Variants in UGT1A6 observed in about 807,000 individuals in gnomAD.
The protein encoded by UGT1A6 is UDP-glucuronosyltransferase 1A6.
UGT1A6 carries 32 observed loss-of-function variants against 44.4 expected under a neutral mutation model. That is an observed-to-expected ratio of 0.72 (90% CI 0.54 to 0.97). UGT1A6 has a LOEUF of 0.97. Among genes scored for constraint, UGT1A6 ranks in the 50% least tolerant of loss-of-function variants. The pLI, the probability that UGT1A6 is intolerant of heterozygous loss-of-function variation, is 0.00. For synonymous variants in UGT1A6, 238 were observed against 248.5 expected (o/e 0.96, Z 0.40); for missense variants, 685 against 661.9 (o/e 1.03, Z -0.38).
At chr2:233,695,006 T>C (rs184131537) in intron 1 of UGT1A6, among the ~76,000 whole-genome samples, 12 of 152,350 alleles carry the variant, frequency 7.9e-5, no homozygotes, top group African/African-American at 2.2e-4. Context: ...TCTTCATTTC[T>C]AGCTATTTTG....
intron 1 of UGT1A6, chr2:233,743,635 G>C: frequency 1.5e-6 from 2 of 1,367,296 alleles, no homozygotes; most frequent in Non-Finnish European, 2.0e-6. Flanking sequence ...CGGCTGGGTC[G>C]CGGAAGCTGA....
intron 1 of UGT1A6, among the ~76,000 whole-genome samples, chr2:233,725,446 A>G (rs1478370195): frequency 6.6e-6 from 1 of 152,006 alleles, no homozygotes; most frequent in Non-Finnish European, 1.5e-5. Flanking sequence ...AGCCACATAC[A>G]TAATTTAAAC....
At position 233,772,561 on chromosome 2, in the gene UGT1A6, A is replaced by C. The variant is rs1287050195; in HGVS notation, c.*2A>C. On this transcript the variant is annotated 3_prime_UTR_variant, in exon 5 of 5. Transcript: ENST00000305139. ...GCCCACAAATCCAAGACCCATTGAG[A>C]AGTGGGTGGGAAATAAGGTAAAATT... The C allele has an allele frequency of 1.2e-6, 2 of 1,613,586 alleles. No individual in the cohort carries two copies. Among genetic ancestry groups the C allele is most frequent in the Non-Finnish European group, 1.7e-6 (2 of 1,179,766 alleles).
At chr2:233,715,538 G>A (rs1209390952) in intron 1 of UGT1A6, among the ~76,000 whole-genome samples, 6 of 152,096 alleles carry the variant, frequency 3.9e-5, no homozygotes, top group South Asian at 2.1e-4. Flanking sequence ...TTGGGAGACC[G>A]AGGGAGGAGG....
At chr2:233,738,975 T>A (rs1575626869) in intron 1 of UGT1A6, 1 of 152,266 alleles carries the variant, frequency 6.6e-6, no homozygotes, top group South Asian at 2.1e-4. Flanking sequence ...CACTGCTGTG[T>A]GCAGCCTCAG....
At chr2:233,733,599 G>A (rs2078419468) in intron 1 of UGT1A6, among the ~76,000 whole-genome samples, 1 of 152,146 alleles carries the variant, frequency 6.6e-6, no homozygotes, top group Non-Finnish European at 1.5e-5. Context: ...TTTATGTGAT[G>A]GATTACATTT....
chr2:233,746,424 C>G (rs1693388244), intron 1 of UGT1A6, among the ~76,000 whole-genome samples: 1 of 151,702 alleles, frequency 6.6e-6, no homozygotes, highest in African/African-American at 2.4e-5. Flanking sequence ...GACCTATTAA[C>G]TTATGTCTTC....
intron 1 of UGT1A6, among the ~76,000 whole-genome samples, chr2:233,716,383 A>G (rs2076502558): frequency 6.6e-6 from 1 of 152,184 alleles, no homozygotes; most frequent in African/African-American, 2.4e-5. Flanking sequence ...TCTGCCTACC[A>G]CAGACACTAA....
chr2:233,712,151 A>G (rs1476904352), intron 1 of UGT1A6, among the ~76,000 whole-genome samples: 5 of 152,214 alleles, frequency 3.3e-5, no homozygotes, highest in Non-Finnish European at 2.9e-5. Context: ...TCAGAAGAGG[A>G]ATTCAGACTG....
intron 1 of UGT1A6, among the ~76,000 whole-genome samples, chr2:233,722,617 C>G (rs1215514710): frequency 6.6e-6 from 1 of 152,088 alleles, no homozygotes; most frequent in African/African-American, 2.4e-5. Context: ...TTTGATTTTT[C>G]TTAATGAAGC....
At chr2:233,695,903 T>C (rs1451387957) in intron 1 of UGT1A6, among the ~76,000 whole-genome samples, 2 of 151,728 alleles carry the variant, frequency 1.3e-5, no homozygotes, top group African/African-American at 4.8e-5. Context: ...ATGTGTGGGG[T>C]TTTTTTTCTC....
chr2:233,731,908 A>T (rs2078219373), intron 1 of UGT1A6, among the ~76,000 whole-genome samples: 1 of 152,202 alleles, frequency 6.6e-6, no homozygotes, highest in African/African-American at 2.4e-5. Flanking sequence ...CCAATGGTGT[A>T]AAAGTGTTCC....
At chr2:233,760,776 C>G in intron 1 of UGT1A6, 1 of 1,613,940 alleles carries the variant, frequency 6.2e-7, no homozygotes, top group Non-Finnish European at 8.5e-7. Context: ...TGGCCCAGTA[C>G]CTGTCTCTGC....
chr2:233,703,889 T>C (rs2125594145), intron 1 of UGT1A6, among the ~76,000 whole-genome samples: 1 of 152,182 alleles, frequency 6.6e-6, no homozygotes, highest in East Asian at 1.9e-4. Flanking sequence ...ACCATCATTT[T>C]TTTCTTTTCT....
chr2:233,735,701 C>T (rs2078683713), intron 1 of UGT1A6, among the ~76,000 whole-genome samples: 1 of 151,894 alleles, frequency 6.6e-6, no homozygotes, highest in South Asian at 2.1e-4. Flanking sequence ...GTAAGGCAGG[C>T]CTGGTGGTGA....
intron 1 of UGT1A6, among the ~76,000 whole-genome samples, chr2:233,757,699 C>A (rs572469741): frequency 4.0e-5 from 6 of 151,562 alleles, no homozygotes; most frequent in Non-Finnish European, 8.8e-5. Context: ...AGGAAGGTGG[C>A]TTTGCTTCCC....
intron 1 of UGT1A6, chr2:233,755,075 A>C (rs1312444555): frequency 7.5e-7 from 1 of 1,336,312 alleles, no homozygotes; most frequent in East Asian, 4.6e-5. Context: ...CATAGCGGTC[A>C]TAGATATCGC....
intron 1 of UGT1A6, among the ~76,000 whole-genome samples, chr2:233,724,647 T>G (rs1247687172): frequency 2.2e-5 from 3 of 137,376 alleles, no homozygotes; most frequent in East Asian, 2.4e-4. Flanking sequence ...TGATGGCGGC[T>G]GGGAAGAGGC....
At chr2:233,695,435 CTT>C (rs747907611) in intron 1 of UGT1A6, among the ~76,000 whole-genome samples, 1 of 130,420 alleles carries the variant, frequency 7.7e-6, no homozygotes, top group Non-Finnish European at 1.7e-5. Flanking sequence ...TCTTCTTCTT[CTT>C]TTTTTTTTGA....
Sources: gnomAD v4.1 joint callset for allele counts (sites outside exome capture counted in the v4.1 genomes callset) on GRCh38, gnomAD v4.1.1 for gene constraint, MANE v1.5 for transcripts, NCBI Gene and HGNC (gene_info 2026-07-23, HGNC 2026-07-21) for gene names.